The following SRGAP2C variants were observed in gnomAD, a reference collection of about 807,000 sequenced individuals.
The protein encoded by SRGAP2C is SLIT-ROBO Rho GTPase-activating protein 2C.
A neutral mutation model predicts 25.1 loss-of-function variants in SRGAP2C; 15 were observed. The ratio of observed to expected loss-of-function variants is 0.60; its 90% CI spans 0.40 to 0.92. The LOEUF (loss-of-function observed/expected upper bound fraction) is 0.92, where lower values mean the gene tolerates loss of function less well. Ranked by LOEUF, SRGAP2C falls within the 40% of genes least tolerant of loss-of-function variation. The probability of loss-of-function intolerance (pLI) is 0.00; values close to 1 mark genes in which losing one functional copy is unlikely to be tolerated. For missense variants in SRGAP2C, 144 were observed against 264.4 expected (o/e 0.54, Z 3.16); for synonymous variants, 44 against 96.6 (o/e 0.46, Z 3.19).
intron 2 of SRGAP2C, among the ~76,000 whole-genome samples, chr1:121,270,877 C>T (rs1553335213): frequency 6.6e-6 from 1 of 150,488 alleles, no homozygotes; most frequent in Non-Finnish European, 1.5e-5. Context: ...ACTGCAAGCT[C>T]CGCCTCCCGG....
intron 5 of SRGAP2C, among the ~76,000 whole-genome samples, chr1:121,372,881 A>G (rs782732442): frequency 0.088 from 5,212 of 59,242 alleles, 1,743 homozygotes; most frequent in Admixed American, 0.21. Flanking sequence ...ACACACATGC[A>G]CACACACACA....
chr1:121,345,830 T>G (rs1248334276), intron 4 of SRGAP2C, among the ~76,000 whole-genome samples: 1 of 146,280 alleles, frequency 6.8e-6, no homozygotes, highest in Non-Finnish European at 1.5e-5. Flanking sequence ...TTTGTATATT[T>G]AGTAGAGACA....
rs1553337366 is a variant in SRGAP2C, at chr1:121,289,477, C to T, written c.260+4482C>T. Reference sequence around the variant, plus strand: ...GCCGCACGCAGCCCCGGTTCCCGCTCGTGCCTCTCCCTCCACACCTCCCTG... The same window carrying T: ...GCCGCACGCAGCCCCGGTTCCCGCTTGTGCCTCTCCCTCCACACCTCCCTG... On this transcript the variant is annotated intron_variant, in intron 3 of 9. Coordinates refer to ENST00000367123, the MANE Select transcript of SRGAP2C (RefSeq NM_001329984.2). 6.4e-4 allele frequency among the ~76,000 whole-genome samples: 94 copies of T among 147,784 alleles called. 1 individual carries two copies. The Middle Eastern group carries it at 0.018, about 28-fold the overall frequency.
chr1:121,265,906 C>A (rs1204401461), intron 2 of SRGAP2C, among the ~76,000 whole-genome samples: 10 of 151,674 alleles, frequency 6.6e-5, no homozygotes, highest in African/African-American at 2.4e-4. Context: ...GTTTTTTATG[C>A]TTCTAGTTGA....
intron 6 of SRGAP2C, among the ~76,000 whole-genome samples, chr1:121,374,451 G>C (rs1444328910): frequency 6.6e-6 from 1 of 152,042 alleles, no homozygotes; most frequent in Non-Finnish European, 1.5e-5. Context: ...TTTCCAAATA[G>C]AGCTCAATAT....
At chr1:121,272,718 AG>A (rs1158776968) in intron 2 of SRGAP2C, among the ~76,000 whole-genome samples, 1 of 150,392 alleles carries the variant, frequency 6.6e-6, no homozygotes, top group Non-Finnish European at 1.5e-5. Flanking sequence ...AGTGGTTAAG[AG>A]CACTGATTTT....
At chr1:121,379,286 GT>G (rs1659750725) in intron 7 of SRGAP2C, among the ~76,000 whole-genome samples, 1 of 151,822 alleles carries the variant, frequency 6.6e-6, no homozygotes, top group South Asian at 2.1e-4. Context: ...CTGGGAAAGG[GT>G]TAATGAGCTA....
At chr1:121,323,064 A>G (rs1658244101) in intron 3 of SRGAP2C, among the ~76,000 whole-genome samples, 1 of 151,698 alleles carries the variant, frequency 6.6e-6, no homozygotes, top group African/African-American at 2.4e-5. Context: ...AAAAATTTTT[A>G]GTCTACTTTT....
chr1:121,347,795 G>A (rs1658786527), intron 4 of SRGAP2C, among the ~76,000 whole-genome samples: 1 of 151,326 alleles, frequency 6.6e-6, no homozygotes. Context: ...GTTAAATATG[G>A]CCGTGACCTG....
intron 4 of SRGAP2C, among the ~76,000 whole-genome samples, chr1:121,350,341 G>A (rs1311513854): frequency 7.3e-6 from 1 of 136,750 alleles, no homozygotes; most frequent in African/African-American, 2.7e-5. Context: ...TCTAGAGGAA[G>A]ATACTGTGGA....
Position 121,347,746 on chromosome 1 carries a change from T to C in SRGAP2C, c.424-17547T>C, listed in dbSNP as rs1570797621. Among the ~76,000 whole-genome samples the C allele has an allele frequency of 6.6e-5, 10 of 152,254 alleles. No individual in the cohort carries two copies. In the South Asian group the frequency reaches 2.1e-3, roughly 32 times the overall value. On this transcript the variant is annotated intron_variant, in intron 4 of 9. Coordinates refer to ENST00000367123, the MANE Select transcript of SRGAP2C (RefSeq NM_001329984.2). ...AGGCACAGTGACACAAAGGGTGTTT[T>C]GAGGAGCCCTGTAGCGCCTGTGGAG...
At chr1:121,298,557 C>T (rs1218389764) in intron 3 of SRGAP2C, among the ~76,000 whole-genome samples, 2 of 63,048 alleles carry the variant, frequency 3.2e-5, no homozygotes, top group African/African-American at 6.5e-5. Flanking sequence ...GCATAAATGG[C>T]TTTATATCTT....
chr1:121,253,993 G>A (rs1357445797), intron 2 of SRGAP2C, among the ~76,000 whole-genome samples: 5 of 151,730 alleles, frequency 3.3e-5, no homozygotes, highest in Non-Finnish European at 2.9e-5. Flanking sequence ...GCTCTCTGCA[G>A]TCTCAACCTC....
At chr1:121,329,226 A>G (rs1398943973) in intron 4 of SRGAP2C, among the ~76,000 whole-genome samples, 4 of 151,798 alleles carry the variant, frequency 2.6e-5, no homozygotes, top group African/African-American at 9.7e-5. Context: ...AAAAGAAGAG[A>G]GAGAGAGATT....
chr1:121,223,351 T>TTG (rs56123915), intron 2 of SRGAP2C, among the ~76,000 whole-genome samples: 15,198 of 65,074 alleles, frequency 0.23, 1,596 homozygotes, highest in Non-Finnish European at 0.27. Flanking sequence ...TGGGAGGAGT[T>TTG]TGTGTGTGTG....
Position 121,374,913 on chromosome 1 carries a change from G to A in SRGAP2C, c.790G>A (p.Val264Ile), listed in dbSNP as rs1553352709. 1 of 778,700 alleles carries A rather than the reference G, an allele frequency of 1.3e-6. No homozygotes were observed. The highest frequency in any genetic ancestry group is 1.4e-5 in the South Asian group (1 of 74,014). 48.2% of individuals were successfully genotyped at this position (778,700 alleles called of 1,614,324 possible). Residue 264 changes from valine (V) to isoleucine (I), a missense_variant, in exon 7 of 10, where the codon GTC (valine) becomes ATC (isoleucine). By Grantham distance (29) the Val-to-Ile change is conservative (BLOSUM62 3). This residue lies in a region of SRGAP2C where 34 missense variants were observed against 23.0 expected (regional missense o/e 1.48). Transcript: ENST00000367123. ...GGCTTTGGAGGCAACCAATGCATCT[G>A]TCTTCAAGTACTACATCCATGACCT... The part of the protein sequence containing the change: ...LLALEATNAS[V>I]FKYYIHDLSD...
chr1:121,328,959 C>T (rs1553341937), intron 4 of SRGAP2C, among the ~76,000 whole-genome samples: 58,033 of 111,294 alleles, frequency 0.52, 15,557 homozygotes, highest in East Asian at 0.75. Flanking sequence ...TGCCTGTAAT[C>T]GCAGCGCTTT....
intron 2 of SRGAP2C, among the ~76,000 whole-genome samples, chr1:121,212,185 C>T (rs1396028187): frequency 9.7e-6 from 1 of 102,574 alleles, no homozygotes; most frequent in Non-Finnish European, 1.8e-5. Flanking sequence ...GGCTGGAGTG[C>T]AGTGGTGCGA....
chr1:121,271,088 C>T lies in SRGAP2C; in HGVS notation c.68-13715C>T, dbSNP rs587649377. On this transcript the variant is annotated intron_variant, in intron 2 of 9. Transcript: ENST00000367123. The stretch of plus-strand genomic sequence containing the variant: ...CTGGGATTATAGGCGTGAGCCACCG[C>T]GCCCAGCTGGACTGTTTTTTTTTTT... Among the ~76,000 whole-genome samples, 684 of 151,556 alleles carry T rather than the reference C, an allele frequency of 4.5e-3. 15 individuals carry two copies. The highest frequency in any genetic ancestry group is 7.3e-3 in the Non-Finnish European group (498 of 67,778).
Sources: gnomAD v4.1 joint callset for allele counts (sites outside exome capture counted in the v4.1 genomes callset) on GRCh38, gnomAD v4.1.1 for gene constraint, gnomAD v4.1.1 regional missense constraint, MANE v1.5 for transcripts, NCBI Gene and HGNC (gene_info 2026-07-23, HGNC 2026-07-21) for gene names.